Variants in RALGAPA1 observed in about 807,000 individuals in gnomAD.
RALGAPA1 encodes ral GTPase-activating protein subunit alpha-1.
A neutral mutation model predicts 269.6 loss-of-function variants in RALGAPA1; 52 were observed. That is an observed-to-expected ratio of 0.19 (90% confidence interval 0.15 to 0.24). The LOEUF is 0.24. Among genes scored for constraint, RALGAPA1 ranks in the 10% least tolerant of loss-of-function variants. The pLI, the probability that RALGAPA1 is intolerant of heterozygous loss-of-function variation, is 1.00. For synonymous variants in RALGAPA1, 817 were observed against 1,008.3 expected, an observed-to-expected ratio of 0.81 and a Z score of 3.60; for missense variants, 1,917 against 3,013.9, an observed-to-expected ratio of 0.64 and a Z score of 8.52.
At chr14:35,581,455 G>A (rs773729689) in intron 37 of RALGAPA1, among the ~76,000 whole-genome samples, 2 of 152,064 alleles carry the variant, frequency 1.3e-5, no homozygotes, top group African/African-American at 2.4e-5. Flanking sequence ...TTGGAGAATC[G>A]CAGTATCAGG....
chr14:35,639,648 A>T (rs910409574), intron 31 of RALGAPA1, among the ~76,000 whole-genome samples: 5 of 152,186 alleles, frequency 3.3e-5, no homozygotes. Flanking sequence ...CTTAGGAATT[A>T]AACAATATTG....
intron 31 of RALGAPA1, among the ~76,000 whole-genome samples, chr14:35,639,288 T>C (rs751002317): frequency 5.3e-5 from 8 of 152,204 alleles, no homozygotes; most frequent in Non-Finnish European, 1.2e-4. Flanking sequence ...AAAGCAAATA[T>C]TATTAGAGCT....
At chr14:35,552,228 A>C (rs1009489637) in intron 39 of RALGAPA1, among the ~76,000 whole-genome samples, 9 of 152,026 alleles carry the variant, frequency 5.9e-5, no homozygotes, top group African/African-American at 2.2e-4. Context: ...AATAAACTCT[A>C]AGCACTTAGA....
At chr14:35,647,765 C>A (rs1327759321) in intron 31 of RALGAPA1, among the ~76,000 whole-genome samples, 2 of 150,978 alleles carry the variant, frequency 1.3e-5, no homozygotes, top group African/African-American at 4.9e-5. Context: ...CCAGCCTGGC[C>A]AATATGGTGA....
At chr14:35,774,862 T>C (rs950431352) in intron 3 of RALGAPA1, 144 bp downstream of exon 3, 124 of 643,536 alleles carry the variant, frequency 1.9e-4, no homozygotes, top group Admixed American at 6.6e-5. Flanking sequence ...CAGTCAGGCA[T>C]ATTTAAAAAA....
Position 35,742,370 on chromosome 14 carries a change from C to T in RALGAPA1, c.1447G>A (p.Glu483Lys). Residue 483 changes from glutamate (E) to lysine (K), a missense_variant and splice_region_variant, in exon 11 of 42, where the codon GAG becomes AAG. By Grantham distance (56) the Glu-to-Lys change is moderately conservative. Transcript: ENST00000680220. ...ISMEEGEKRE[E>K]ENGTNTADHV... ...ATATATAAATCTTATAACTTCACCT[C>T]TTCTCTTTTTTCTCCTTCTTCCATT... The T allele has an allele frequency of 1.3e-6, 2 of 1,582,546 alleles. No homozygotes were observed. The highest frequency in any genetic ancestry group is 1.7e-6 in the Non-Finnish European group (2 of 1,159,944).
chr14:35,715,150 C>G (rs756956202), intron 16 of RALGAPA1, among the ~76,000 whole-genome samples: 1 of 152,026 alleles, frequency 6.6e-6, no homozygotes, highest in Non-Finnish European at 1.5e-5. Flanking sequence ...TCTTGAAATA[C>G]TGCCTCTCCT....
chr14:35,721,391 C>A (rs1164912213), intron 16 of RALGAPA1, among the ~76,000 whole-genome samples: 1 of 152,184 alleles, frequency 6.6e-6, no homozygotes, highest in Non-Finnish European at 1.5e-5. Flanking sequence ...TGCTTGAGTT[C>A]TGTAAAGTGA....
intron 27 of RALGAPA1, among the ~76,000 whole-genome samples, chr14:35,661,565 ATAT>A (rs1239625025): frequency 6.6e-6 from 1 of 152,210 alleles, no homozygotes; most frequent in Non-Finnish European, 1.5e-5. Context: ...ACAGGGTCAA[ATAT>A]TATAATGGCT....
At chr14:35,755,959 G>T (rs1267323568) in intron 7 of RALGAPA1, among the ~76,000 whole-genome samples, 1 of 152,126 alleles carries the variant, frequency 6.6e-6, no homozygotes, top group Admixed American at 6.6e-5. Context: ...AGGTGAATAG[G>T]TTACCTTGCA....
intron 29 of RALGAPA1, 117 bp from the exon 30 acceptor site, chr14:35,654,594 AGGTG>A: frequency 8.2e-7 from 1 of 1,215,164 alleles, no homozygotes; most frequent in Non-Finnish European, 1.1e-6. Flanking sequence ...CTACATTTAT[AGGTG>A]ATTAAGATAA....
chr14:35,756,176 C>A (rs2073153184), intron 7 of RALGAPA1, among the ~76,000 whole-genome samples: 1 of 152,186 alleles, frequency 6.6e-6, no homozygotes, highest in African/African-American at 2.4e-5. Context: ...AACTGTCTCA[C>A]ATAAGAAGGT....
chr14:35,563,105 TC>T (rs2056421501), intron 39 of RALGAPA1, among the ~76,000 whole-genome samples: 1 of 150,874 alleles, frequency 6.6e-6, no homozygotes, highest in Non-Finnish European at 1.5e-5. Context: ...TCCACCTTGT[TC>T]TAATTAGAAT....
Position 35,674,636 on chromosome 14 carries a change from A to T in RALGAPA1, c.4698T>A (p.Val1566=), listed in dbSNP as rs2064786562. ...GGTLTGWHAD[V]ATVMWRRMLG... ...GCATTCTTCGCCACATTACAGTAGCAACATCAGCATGCCATCCAGTCAGAG... is the reference window on the plus strand; with the variant it reads ...GCATTCTTCGCCACATTACAGTAGCTACATCAGCATGCCATCCAGTCAGAG... The change falls in exon 23 of 42, where the codon GTT becomes GTA. Residue 1566 remains valine (V), a synonymous_variant. Coordinates refer to ENST00000680220, the MANE Select transcript of RALGAPA1 (RefSeq NM_001346249.2). 6.4e-7 allele frequency: 1 copy of T among 1,565,676 alleles called. No homozygotes were observed. The highest frequency in any genetic ancestry group is 1.1e-5 in the South Asian group (1 of 89,414).
At chr14:35,798,534 CG>C (rs2076739205) in intron 1 of RALGAPA1, among the ~76,000 whole-genome samples, 1 of 152,044 alleles carries the variant, frequency 6.6e-6, no homozygotes, top group South Asian at 2.1e-4. Context: ...TTCAAGGTGA[CG>C]AATATCCTAA....
intron 27 of RALGAPA1, among the ~76,000 whole-genome samples, chr14:35,661,113 A>T (rs1163225909): frequency 6.6e-6 from 1 of 152,128 alleles, no homozygotes; most frequent in Non-Finnish European, 1.5e-5. Context: ...CTAAGACAGT[A>T]GATCTTGGTT....
intron 35 of RALGAPA1, among the ~76,000 whole-genome samples, chr14:35,612,466 T>C (rs1317982855): frequency 6.7e-6 from 1 of 149,086 alleles, no homozygotes; most frequent in African/African-American, 2.5e-5. Context: ...GCGGAAACTA[T>C]AAAACTCATT....
rs559979336 is a variant in RALGAPA1 at position 35,541,040 on chromosome 14, A to ATTTTTTT, written c.*24-1357_*24-1351dup. ...GAATATGTCTTTGCAGAACACTTCA[A>ATTTTTTT]TTTTTTTTTTTTTTTTTTTTTTTTG... is the stretch of plus-strand genomic sequence containing the variant. On this transcript the variant is annotated intron_variant, in intron 41 of 41. Transcript: ENST00000680220. 2.1e-3 allele frequency among the ~76,000 whole-genome samples: 189 copies of ATTTTTTT among 89,154 alleles called. 24 individuals carry two copies. Among genetic ancestry groups the ATTTTTTT allele is most frequent in the African/African-American group, 9.3e-3 (165 of 17,792 alleles). 58.5% of individuals were successfully genotyped at this position (89,154 alleles called of 152,430 possible).
intron 35 of RALGAPA1, among the ~76,000 whole-genome samples, chr14:35,611,902 T>A (rs1594806251): frequency 6.6e-6 from 1 of 152,290 alleles, no homozygotes; most frequent in East Asian, 1.9e-4. Flanking sequence ...ACAAAAGTCA[T>A]CAAAGCACTC....
Sources: allele counts gnomAD v4.1 joint callset (sites outside exome capture counted in the v4.1 genomes callset), GRCh38; gene constraint gnomAD v4.1.1; transcripts MANE v1.5; gene names NCBI Gene and HGNC (gene_info 2026-07-23, HGNC 2026-07-21).